Variants in ROBO1 observed in about 807,000 individuals in gnomAD.
ROBO1 encodes roundabout guidance receptor 1.
A neutral mutation model predicts 195.9 loss-of-function variants in ROBO1; 149 were observed. That is an observed-to-expected ratio of 0.76 (90% confidence interval 0.67 to 0.87). ROBO1 has a LOEUF of 0.87. ROBO1 is among the 40% of genes least tolerant of loss of function. The pLI, the probability that ROBO1 is intolerant of heterozygous loss-of-function variation, is 0.00. For synonymous variants in ROBO1, 816 were observed against 733.2 expected (o/e 1.11, Z -1.82); for missense variants, 1,933 against 2,068.3 (o/e 0.93, Z 1.27).
chr3:79,411,384 T>C (rs182509900), intron 2 of ROBO1, among the ~76,000 whole-genome samples: 1 of 152,272 alleles, frequency 6.6e-6, no homozygotes, highest in Admixed American at 6.5e-5. Context: ...CCATACAAAG[T>C]GAATAAACAA....
At chr3:79,379,044 T>C (rs2036481142) in intron 2 of ROBO1, among the ~76,000 whole-genome samples, 1 of 152,202 alleles carries the variant, frequency 6.6e-6, no homozygotes, top group Non-Finnish European at 1.5e-5. Flanking sequence ...CGAATTGATA[T>C]AATAGATTCT....
At chr3:79,661,433 G>T (rs1946324771) in intron 1 of ROBO1, among the ~76,000 whole-genome samples, 1 of 152,080 alleles carries the variant, frequency 6.6e-6, no homozygotes, top group Non-Finnish European at 1.5e-5. Flanking sequence ...TCTTACTAAA[G>T]TGTTTTTGTA....
chr3:79,060,788 A>C (rs2078901864), intron 3 of ROBO1, among the ~76,000 whole-genome samples: 1 of 152,186 alleles, frequency 6.6e-6, no homozygotes, highest in Non-Finnish European at 1.5e-5. Context: ...GTCTTTTGAC[A>C]AAATTCAACA....
chr3:78,665,999 A>T lies in ROBO1; in HGVS notation c.1966+1884T>A, dbSNP rs561159768. Among the ~76,000 whole-genome samples, 5 of 152,124 alleles carry T rather than the reference A, an allele frequency of 3.3e-5. No individual in the cohort carries two copies. The East Asian group carries it at 9.7e-4, about 29-fold the overall frequency. On this transcript the variant is annotated intron_variant, in intron 14 of 30. Transcript: ENST00000464233. ...TGTGTCACGGGAGGGTCTCGGTAGG[A>T]GGTAACTGAATCATGGAGTAGTTAC...
At chr3:79,173,528 C>T (rs1025413752) in intron 2 of ROBO1, among the ~76,000 whole-genome samples, 20 of 152,092 alleles carry the variant, frequency 1.3e-4, no homozygotes, top group Non-Finnish European at 2.9e-5. Context: ...TGCCGGCCCA[C>T]CGGGTTCTCA....
chr3:79,463,825 C>G (rs1937795500), intron 2 of ROBO1, among the ~76,000 whole-genome samples: 1 of 152,088 alleles, frequency 6.6e-6, no homozygotes, highest in Admixed American at 6.6e-5. Flanking sequence ...GTATACAACC[C>G]CATGGTTTTT....
chr3:78,952,892 T>C (rs947207547), intron 3 of ROBO1, among the ~76,000 whole-genome samples: 11 of 152,092 alleles, frequency 7.2e-5, no homozygotes, highest in Non-Finnish European at 1.5e-4. Context: ...CCAGTCAAAA[T>C]TTAGAATAAC....
Position 78,898,198 on chromosome 3 carries a change from T to C in ROBO1, c.499+40403A>G, listed in dbSNP as rs915751334. Among the ~76,000 whole-genome samples the C allele has an allele frequency of 1.7e-4, 26 of 149,880 alleles. 1 individual carries two copies. Among genetic ancestry groups the C allele is most frequent in the Admixed American group, 1.1e-3 (17 of 14,990 alleles). On this transcript the variant is annotated intron_variant, in intron 4 of 30. Transcript: ENST00000464233. ...ATTTTCTTTTAAAAATAATTAGCTT[T>C]AAATAAATTTATAGTGCACTATAAT...
At chr3:79,073,690 A>T (rs1428529600) in intron 3 of ROBO1, among the ~76,000 whole-genome samples, 1 of 151,814 alleles carries the variant, frequency 6.6e-6, no homozygotes, top group African/African-American at 2.4e-5. Flanking sequence ...TGGAACAAAT[A>T]ATCTGTTTCT....
intron 3 of ROBO1, among the ~76,000 whole-genome samples, chr3:79,110,033 C>A (rs767229285): frequency 3.3e-5 from 5 of 151,966 alleles, no homozygotes; most frequent in African/African-American, 7.2e-5. Flanking sequence ...AGAATAGAAG[C>A]GAGATTTCCT....
chr3:79,649,176 A>T (rs1413700370), intron 1 of ROBO1, among the ~76,000 whole-genome samples: 1 of 152,016 alleles, frequency 6.6e-6, no homozygotes, highest in African/African-American at 2.4e-5. Context: ...TCAACATCCA[A>T]CTGAATTTGA....
rs184860652 is a variant in ROBO1 at position 78,769,001 on chromosome 3, G to C, written c.500-22101C>G. Among the ~76,000 whole-genome samples, 189 of 152,214 alleles carry C rather than the reference G, an allele frequency of 1.2e-3. 1 individual carries two copies. The highest frequency in any genetic ancestry group is 2.2e-3 in the Non-Finnish European group (152 of 68,024). ...ATAGCCTATCATATGGTCTGTCTTG[G>C]AGAATGTTCCATGGGCTGTTGAATG... On this transcript the variant is annotated intron_variant, in intron 4 of 30. Coordinates refer to ENST00000464233, the MANE Select transcript of ROBO1 (RefSeq NM_002941.4).
At chr3:79,307,610 ATATAT>A (rs1488758023) in intron 2 of ROBO1, among the ~76,000 whole-genome samples, 1 of 152,032 alleles carries the variant, frequency 6.6e-6, no homozygotes, top group African/African-American at 2.4e-5. Context: ...AATATTTATA[ATATAT>A]TAATATCTAA....
chr3:79,235,896 C>T (rs956548730), intron 2 of ROBO1, among the ~76,000 whole-genome samples: 1 of 151,934 alleles, frequency 6.6e-6, no homozygotes, highest in Admixed American at 6.6e-5. Context: ...GTATGGTATA[C>T]TATATTTTTG....
chr3:79,702,947 A>T (rs955701343), intron 1 of ROBO1, among the ~76,000 whole-genome samples: 15 of 151,930 alleles, frequency 9.9e-5, no homozygotes, highest in African/African-American at 3.6e-4. Flanking sequence ...CCTAAAGCAG[A>T]TCAACCAGGG....
At chr3:79,260,403 G>A (rs1382099359) in intron 2 of ROBO1, among the ~76,000 whole-genome samples, 1 of 151,858 alleles carries the variant, frequency 6.6e-6, no homozygotes, top group Non-Finnish European at 1.5e-5. Context: ...ATCTGCATGT[G>A]TATATATTTA....
At chr3:79,262,052 A>G (rs1278378450) in intron 2 of ROBO1, among the ~76,000 whole-genome samples, 1 of 152,108 alleles carries the variant, frequency 6.6e-6, no homozygotes, top group Non-Finnish European at 1.5e-5. Flanking sequence ...GATCTAAGAA[A>G]CATGTGCTCT....
intron 3 of ROBO1, among the ~76,000 whole-genome samples, chr3:79,116,042 T>C (rs569544650): frequency 1.3e-5 from 2 of 152,302 alleles, no homozygotes; most frequent in South Asian, 4.1e-4. Flanking sequence ...TAGTGTATGT[T>C]TTGAACTAAT....
chr3:79,609,088 G>A (rs1457107530), intron 1 of ROBO1, among the ~76,000 whole-genome samples: 3 of 151,862 alleles, frequency 2.0e-5, no homozygotes, highest in Non-Finnish European at 2.9e-5. Context: ...CTGGCATCTT[G>A]ATCTTGGACT....
Sources: gnomAD v4.1 joint callset for allele counts (sites outside exome capture counted in the v4.1 genomes callset) on GRCh38, gnomAD v4.1.1 for gene constraint, MANE v1.5 for transcripts, NCBI Gene and HGNC (gene_info 2026-07-23, HGNC 2026-07-21) for gene names.